Variants in ATOSA observed in about 807,000 individuals in gnomAD.
The protein encoded by ATOSA is atos homolog protein A.
At chr15:52,584,660 T>C in the ATOSA span, 1 of 1,157,508 alleles carries the variant, frequency 8.6e-7, no homozygotes, top group Non-Finnish European at 1.2e-6. Flanking sequence ...GACACTGGTC[T>C]AGTTAGAGTC....
the ATOSA span, among the ~76,000 whole-genome samples, chr15:52,654,944 C>CAT: frequency 3.3e-5 from 5 of 151,310 alleles, no homozygotes; most frequent in African/African-American, 9.7e-5. Flanking sequence ...ATATATGTAT[C>CAT]ATATATATAT....
At chr15:52,629,603 A>T in the ATOSA span, 1 of 397,436 alleles carries the variant, frequency 2.5e-6, no homozygotes, top group Non-Finnish European at 5.1e-6. Context: ...GGAGTTCGAG[A>T]CTAGCCTGGC....
the ATOSA span, chr15:52,658,160 G>C: frequency 6.6e-6 from 1 of 152,304 alleles, no homozygotes; most frequent in Non-Finnish European, 1.5e-5. Flanking sequence ...AATAGAGTTG[G>C]AGAAAATAGT....
chr15:52,674,404 G>A, the ATOSA span, among the ~76,000 whole-genome samples: 1 of 152,056 alleles, frequency 6.6e-6, no homozygotes, highest in Non-Finnish European at 1.5e-5. Flanking sequence ...TATACACACA[G>A]GTCTAGAACC....
At chr15:52,586,569 CAGATT>C in the ATOSA span, 1 of 152,254 alleles carries the variant, frequency 6.6e-6, no homozygotes, top group South Asian at 2.1e-4. Flanking sequence ...GCCTTAATAT[CAGATT>C]ATTCTTCTGA....
the ATOSA span, among the ~76,000 whole-genome samples, chr15:52,663,879 G>A: frequency 6.6e-6 from 1 of 151,930 alleles, no homozygotes; most frequent in South Asian, 2.1e-4. Flanking sequence ...TCCCACCTCG[G>A]TAATCAAAAC....
At chr15:52,606,981 T>A in the ATOSA span, among the ~76,000 whole-genome samples, 1 of 152,180 alleles carries the variant, frequency 6.6e-6, no homozygotes, top group Non-Finnish European at 1.5e-5. Context: ...GGTGGTTTGG[T>A]AGGAAATCAA....
the ATOSA span, among the ~76,000 whole-genome samples, chr15:52,583,511 G>A: frequency 6.6e-6 from 1 of 152,038 alleles, no homozygotes; most frequent in Non-Finnish European, 1.5e-5. Context: ...TCAGCTTCCT[G>A]AGGAGCTGGG....
At chr15:52,637,001 T>C in the ATOSA span, among the ~76,000 whole-genome samples, 2 of 152,144 alleles carry the variant, frequency 1.3e-5, no homozygotes, top group African/African-American at 4.8e-5. Context: ...GTTGGAGAAA[T>C]GGTACCTTGA....
chr15:52,699,444 AATCCT>A, the ATOSA span, among the ~76,000 whole-genome samples: 1 of 151,600 alleles, frequency 6.6e-6, no homozygotes, highest in Non-Finnish European at 1.5e-5. Context: ...AAATCCTTTT[AATCCT>A]ATCTTGTGCA....
the ATOSA span, among the ~76,000 whole-genome samples, chr15:52,662,528 TG>T: frequency 1.3e-5 from 2 of 152,052 alleles, no homozygotes; most frequent in African/African-American, 4.8e-5. Context: ...CCCAGCACTT[TG>T]GGAGGCCAAG....
the ATOSA span, among the ~76,000 whole-genome samples, chr15:52,615,356 C>T: frequency 6.6e-6 from 1 of 152,178 alleles, no homozygotes; most frequent in Non-Finnish European, 1.5e-5. Flanking sequence ...AGTGCACACA[C>T]TATTCAATTT....
the ATOSA span, among the ~76,000 whole-genome samples, chr15:52,631,645 T>C: frequency 6.6e-6 from 1 of 152,154 alleles, no homozygotes; most frequent in African/African-American, 2.4e-5. Context: ...AGAAACAAGT[T>C]TTAAAGCAAG....
At chr15:52,631,086 G>A in the ATOSA span, among the ~76,000 whole-genome samples, 1 of 152,144 alleles carries the variant, frequency 6.6e-6, no homozygotes, top group Admixed American at 6.5e-5. Flanking sequence ...GCAACTGCAT[G>A]GGAGGTCATT....
At chr15:52,671,773 CA>C in the ATOSA span, among the ~76,000 whole-genome samples, 1 of 151,450 alleles carries the variant, frequency 6.6e-6, no homozygotes, top group Non-Finnish European at 1.5e-5. Context: ...AACAAGGAGA[CA>C]CCAATGTGAT....
the ATOSA span, among the ~76,000 whole-genome samples, chr15:52,705,935 G>A: frequency 6.6e-6 from 1 of 152,064 alleles, no homozygotes; most frequent in African/African-American, 2.4e-5. Flanking sequence ...GTTTCTGTGT[G>A]GTATTCCATT....
chr15:52,610,418 T>C, the ATOSA span: 1 of 1,550,676 alleles, frequency 6.4e-7, no homozygotes, highest in Non-Finnish European at 8.7e-7. Flanking sequence ...TATTATTGGA[T>C]TATAAAGGTT....
chr15:52,663,266 TCTG>T, the ATOSA span, among the ~76,000 whole-genome samples: 1 of 152,230 alleles, frequency 6.6e-6, no homozygotes, highest in Non-Finnish European at 1.5e-5. Flanking sequence ...AGCTGCTGTC[TCTG>T]CTAAGACAGT....
the ATOSA span, among the ~76,000 whole-genome samples, chr15:52,582,706 A>G: frequency 2.0e-5 from 3 of 152,210 alleles, no homozygotes; most frequent in Non-Finnish European, 2.9e-5. Flanking sequence ...TTCTAGCTCC[A>G]TAGACTGACC....
Sources: allele counts gnomAD v4.1 joint callset (sites outside exome capture counted in the v4.1 genomes callset), GRCh38; gene constraint gnomAD v4.1.1; transcripts MANE v1.5; gene names NCBI Gene and HGNC (gene_info 2026-07-23, HGNC 2026-07-21).